NBPF26: variants seen among roughly 807,000 people sequenced by gnomAD.
The protein encoded by NBPF26 is NBPF family member NBPF26.
NBPF26 carries 79 observed loss-of-function variants against 119.6 expected under a neutral mutation model. The ratio of observed to expected loss-of-function variants is 0.66; its 90% confidence interval spans 0.55 to 0.80. The LOEUF is 0.80. NBPF26 is among the 30% of genes least tolerant of loss of function. The pLI is 0.00. For synonymous variants in NBPF26, 299 were observed against 457.7 expected (o/e 0.65, Z 4.43); for missense variants, 800 against 1,198.2 (o/e 0.67, Z 4.91).
At chr1:120,802,675 T>C (rs1472633630) in intron 4 of NBPF26, among the ~76,000 whole-genome samples, 1 of 119,374 alleles carries the variant, frequency 8.4e-6, no homozygotes, top group Admixed American at 7.9e-5. Context: ...CTGCTAAGAA[T>C]TCAAACTTCA....
At chr1:120,793,338 G>C in exon 4 of NBPF26, 1 of 1,405,992 alleles carries the variant, frequency 7.1e-7, no homozygotes, top group Non-Finnish European at 9.5e-7. Flanking sequence ...GGTGGCACCT[G>C]CCTCAACCTG....
chr1:120,829,593 CCAAGGAAT>C, intron 18 of NBPF26, among the ~76,000 whole-genome samples: 1 of 108,068 alleles, frequency 9.3e-6, no homozygotes, highest in Non-Finnish European at 1.7e-5. Context: ...GGGACAAAAA[CCAAGGAAT>C]CTCTATGGTG....
rs1466884187 is a variant in NBPF26, at chr1:120,759,057, G to A, written c.74-4571G>A. Among the ~76,000 whole-genome samples, 2 of 101,368 alleles carry A rather than the reference G, an allele frequency of 2.0e-5. 1 individual carries two copies. The highest frequency in any genetic ancestry group is 3.6e-5 in the Non-Finnish European group (2 of 55,600). The allele number at this position is 101,368 out of a possible 152,430, so 66.5% of individuals were successfully genotyped here. A position where few individuals can be genotyped will look rare whatever the true frequency, so the allele number is the denominator to read the frequency against. ...ATAGAAATAAGGTTCCTGAGGACAG[G>A]GAGTTTATTCTGTATACTACGGTAT... On this transcript the variant is annotated intron_variant, in intron 1 of 29. Transcript: ENST00000620612.
Position 120,814,893 on chromosome 1 carries a change from G to A in NBPF26, c.1942G>A (p.Glu648Lys), listed in dbSNP as rs1553271554. ...GACCCAGTTAAGGGAGAAGTTGCGGGAAGGGAGAGATGCCTCCCGCTCATT... is the reference window on the plus strand; with the variant it reads ...GACCCAGTTAAGGGAGAAGTTGCGGAAAGGGAGAGATGCCTCCCGCTCATT... The change falls in exon 12 of 30, where the codon GAA (glutamate) becomes AAA (lysine). Residue 648 changes from glutamate to lysine, a missense_variant. Glu to Lys is a moderately conservative substitution (Grantham distance 56). Coordinates refer to ENST00000620612, the Ensembl canonical transcript of NBPF26. 36 of 1,256,186 alleles carry A rather than the reference G, an allele frequency of 2.9e-5. 5 individuals are homozygous for A. Among genetic ancestry groups the A allele is most frequent in the Non-Finnish European group, 3.8e-5 (34 of 898,128 alleles). 77.8% of individuals were successfully genotyped at this position (1,256,186 alleles called of 1,614,324 possible).
At chr1:120,801,521 T>TA (rs1193360933) in intron 4 of NBPF26, among the ~76,000 whole-genome samples, 21,276 of 60,820 alleles carry the variant, frequency 0.35, 5,052 homozygotes, top group Non-Finnish European at 0.43. Context: ...GTATTTTCAT[T>TA]AAAAAAAAAA....
At position 120,761,232 on chromosome 1, in the gene NBPF26, C is replaced by T. The variant is rs1201130932; in HGVS notation, c.74-2396C>T. The stretch of plus-strand genomic sequence containing the variant: ...GTCAGGACACTTAATAGGAACAGGC[C>T]GTGATTTTTGCACCCATGGCATTCT... On this transcript the variant is annotated intron_variant, in intron 1 of 29. Coordinates refer to ENST00000620612, the Ensembl canonical transcript of NBPF26. Among the ~76,000 whole-genome samples, 9 of 121,230 alleles carry T rather than the reference C, an allele frequency of 7.4e-5. 2 individuals carry two copies. The highest frequency in any genetic ancestry group is 2.2e-4 in the East Asian group (1 of 4,518). The allele number at this position is 121,230 out of a possible 152,430, so 79.5% of individuals were successfully genotyped here. A position where few individuals can be genotyped will look rare whatever the true frequency, so the allele number is the denominator to read the frequency against.
At chr1:120,754,686 T>G (rs1276168163) in intron 1 of NBPF26, among the ~76,000 whole-genome samples, 1 of 112,452 alleles carries the variant, frequency 8.9e-6, no homozygotes, top group Non-Finnish European at 1.7e-5. Flanking sequence ...ATTCAACCTA[T>G]TTCAGCTAGT....
rs1168359637 is a variant in NBPF26 at position 120,801,826 on chromosome 1, CAAAAAAAAA to C, written c.752-3713_752-3705del. The stretch of plus-strand genomic sequence containing the variant: ...TGGGTGACAGAACAAGACCCTGTCT[CAAAAAAAAA>C]AAAAAAAAAAAAAAAAGGCATCTCA... On this transcript the variant is annotated intron_variant, in intron 4 of 29. Coordinates refer to ENST00000620612, the Ensembl canonical transcript of NBPF26. Among the ~76,000 whole-genome samples the C allele has an allele frequency of 6.7e-3, 61 of 9,068 alleles. 5 individuals are homozygous for C. The highest frequency in any genetic ancestry group is 0.011 in the African/African-American group (10 of 882). 5.9% of individuals were successfully genotyped at this position (9,068 alleles called of 152,430 possible). A position where few individuals can be genotyped will look rare whatever the true frequency, so the allele number is the denominator to read the frequency against.
chr1:120,823,087 G>A (rs1313136475), intron 16 of NBPF26, among the ~76,000 whole-genome samples: 2 of 119,038 alleles, frequency 1.7e-5, no homozygotes, highest in Non-Finnish European at 3.4e-5. Flanking sequence ...ACATAGGGAA[G>A]ATAACATTCC....
rs1265183083 is a variant in NBPF26 at position 120,724,308 on chromosome 1, C to G, written c.73+58C>G. ...CGCCCGGGGCTGCCACCTGGGGCGA[C>G]CCTTCTCCCCCTCAGTCCTTCTCTG... On this transcript the variant is annotated intron_variant, in intron 1 of 29. Transcript: ENST00000620612. 10 of 1,363,154 alleles carry G rather than the reference C, an allele frequency of 7.3e-6. 2 individuals carry two copies. The highest frequency in any genetic ancestry group is 2.4e-5 in the Admixed American group (1 of 41,452). The allele number at this position is 1,363,154 out of a possible 1,614,324, so 84.4% of individuals were successfully genotyped here.
chr1:120,805,471 G>C (rs1185834253), intron 4 of NBPF26, 85 bp from the exon 5 acceptor site: 2 of 1,365,234 alleles, frequency 1.5e-6, no homozygotes, highest in Non-Finnish European at 2.0e-6. Flanking sequence ...AAGAATTTCA[G>C]TTACTGACAT....
chr1:120,806,358 G>T (rs1308553239), intron 5 of NBPF26, among the ~76,000 whole-genome samples: 1 of 109,678 alleles, frequency 9.1e-6, no homozygotes. Context: ...ACTTTGGGAG[G>T]CTGAGGCGGG....
At chr1:120,840,632 C>T (rs1553273605), downstream of NBPF26, 6 of 1,453,164 alleles carry the variant, frequency 4.1e-6, no homozygotes, top group East Asian at 9.1e-5. Context: ...TTCCTGCAGG[C>T]AGGACCTATA....
Position 120,790,423 on chromosome 1 carries a change from T to G in NBPF26, c.416-2738T>G, listed in dbSNP as rs1237031867. On this transcript the variant is annotated intron_variant, in intron 3 of 29. Coordinates refer to ENST00000620612, the Ensembl canonical transcript of NBPF26. Reference sequence around the variant, plus strand: ...GTGATAGCACTATACCTCAGTCAGCTTACTAGCTCATCTCCACTCAGAGAT... The same window carrying G: ...GTGATAGCACTATACCTCAGTCAGCGTACTAGCTCATCTCCACTCAGAGAT... Among the ~76,000 whole-genome samples the G allele has an allele frequency of 1.2e-4, 14 of 116,438 alleles. 4 individuals carry two copies. Among genetic ancestry groups the G allele is most frequent in the African/African-American group, 7.1e-4 (14 of 19,808 alleles). The allele number at this position is 116,438 out of a possible 152,430, so 76.4% of individuals were successfully genotyped here. A position where few individuals can be genotyped will look rare whatever the true frequency, so the allele number is the denominator to read the frequency against.
intron 3 of NBPF26, among the ~76,000 whole-genome samples, chr1:120,790,751 T>C (rs1464474858): frequency 0.73 from 77,132 of 104,990 alleles, 33,062 homozygotes; most frequent in Non-Finnish European, 0.76. Context: ...AGGTATGCGC[T>C]ATGAAGCCCG....
intron 17 of NBPF26, 151 bp downstream of exon 17, chr1:120,823,511 G>A (rs1652172885): frequency 3.4e-6 from 2 of 583,200 alleles, no homozygotes; most frequent in Admixed American, 6.2e-5. Context: ...TCTCATTAGA[G>A]TAAATCTTTA....
At chr1:120,767,020 CA>C (rs1158187926) in intron 2 of NBPF26, among the ~76,000 whole-genome samples, 1 of 35,150 alleles carries the variant, frequency 2.8e-5, no homozygotes, top group Non-Finnish European at 4.4e-5. Context: ...GAATTTTAAG[CA>C]AAATTTTATG....
rs1385546258 is a variant in NBPF26, at chr1:120,778,606, G to T, written c.156-6368G>T. Among the ~76,000 whole-genome samples the T allele has an allele frequency of 2.4e-3, 40 of 16,388 alleles. 6 individuals are homozygous for T. The highest frequency in any genetic ancestry group is 0.022 in the African/African-American group (29 of 1,320). The allele number at this position is 16,388 out of a possible 152,430, so 10.8% of individuals were successfully genotyped here. A position where few individuals can be genotyped will look rare whatever the true frequency, so the allele number is the denominator to read the frequency against. ...TTTTTTTTTGAATGGCCAAATCCTC[G>T]TTTTAAAAAAAAAAAAAAAAAAAAA... On this transcript the variant is annotated intron_variant, in intron 2 of 29. Coordinates refer to ENST00000620612, the Ensembl canonical transcript of NBPF26.
At chr1:120,825,762 C>T (rs1433531734) in intron 18 of NBPF26, among the ~76,000 whole-genome samples, 76 bp downstream of exon 20, 3 of 7,396 alleles carry the variant, frequency 4.1e-4, no homozygotes, top group Non-Finnish European at 5.6e-4. Context: ...TGCAAGTGGC[C>T]CTTACTGAGC....
Sources: allele counts gnomAD v4.1 joint callset (sites outside exome capture counted in the v4.1 genomes callset), GRCh38; gene constraint gnomAD v4.1.1; transcripts MANE v1.5; gene names NCBI Gene and HGNC (gene_info 2026-07-23, HGNC 2026-07-21).